The following DUSP19 variants were observed in gnomAD, a reference collection of about 807,000 sequenced individuals.
The protein encoded by DUSP19 is dual specificity protein phosphatase 19.
Under a neutral mutation model 16.6 loss-of-function variants are expected in DUSP19, and 14 were observed. The observed-to-expected ratio is 0.84, with a 90% CI of 0.56 to 1.32. The LOEUF (loss-of-function observed/expected upper bound fraction) is 1.32. Among genes scored for constraint, DUSP19 ranks in the 40% most tolerant of loss-of-function variants. The pLI is 0.00. For missense variants in DUSP19, 258 were observed against 255.9 expected (o/e 1.01, Z -0.06); for synonymous variants, 81 against 90.5 (o/e 0.90, Z 0.59).
intron 1 of DUSP19, among the ~76,000 whole-genome samples, chr2:183,082,669 C>G (rs1306526062): frequency 6.6e-6 from 1 of 152,068 alleles, no homozygotes; most frequent in African/African-American, 2.4e-5. Context: ...AGTGATCCAC[C>G]CACCTCAGCC....
At chr2:183,080,973 G>A (rs987077220) in intron 1 of DUSP19, among the ~76,000 whole-genome samples, 2 of 152,188 alleles carry the variant, frequency 1.3e-5, no homozygotes, top group South Asian at 2.1e-4. Flanking sequence ...GACTGGGGTT[G>A]TTTGCAGGTT....
intron 3 of DUSP19, among the ~76,000 whole-genome samples, chr2:183,089,801 A>G (rs1699709222): frequency 6.6e-6 from 1 of 152,234 alleles, no homozygotes; most frequent in South Asian, 2.1e-4. Context: ...AACCTCAGCC[A>G]ATATTTCCCT....
chr2:183,079,011 A>C lies in DUSP19; in HGVS notation c.78A>C (p.Leu26=), dbSNP rs1436391317. Residue 26 remains leucine (L), a synonymous_variant, in exon 1 of 4, where the codon CTA becomes CTC. Coordinates refer to ENST00000354221, the MANE Select transcript of DUSP19 (RefSeq NM_080876.4). The part of the protein sequence containing the change: ...LRKQCTRVTT[L]TGKKIIETWK... ...AGCAATGCACCAGGGTGACAACGCT[A>C]ACTGGAAAGAAAATTATAGAAACAT... The C allele has an allele frequency of 6.2e-7, 1 of 1,614,076 alleles. No homozygotes were observed. The highest frequency in any genetic ancestry group is 8.5e-7 in the Non-Finnish European group (1 of 1,180,044).
At chr2:183,089,090 C>T (rs1699700073) in intron 3 of DUSP19, among the ~76,000 whole-genome samples, 1 of 152,006 alleles carries the variant, frequency 6.6e-6, no homozygotes, top group South Asian at 2.1e-4. Flanking sequence ...TGGATTTTAG[C>T]TTGGGTTTCC....
Position 183,098,957 on chromosome 2 carries a change from G to A in DUSP19, c.*3299G>A, listed in dbSNP as rs1262997277. 6.6e-6 allele frequency: 1 copy of A among 152,068 alleles called. No homozygotes were observed. The highest frequency in any genetic ancestry group is 2.4e-5 in the African/African-American group (1 of 41,408). The allele number at this position is 152,068 out of a possible 1,614,324, so 9.4% of individuals were successfully genotyped here. A position where few individuals can be genotyped will look rare whatever the true frequency, so the allele number is the denominator to read the frequency against. ...AAAGACAAATATTTCAGAGGAAGTGGAGTACAGTATTTAACATTTTGTTTG... is the reference window on the plus strand; with the variant it reads ...AAAGACAAATATTTCAGAGGAAGTGAAGTACAGTATTTAACATTTTGTTTG... On this transcript the variant is annotated 3_prime_UTR_variant, in exon 4 of 4. Coordinates refer to ENST00000354221, the MANE Select transcript of DUSP19 (RefSeq NM_080876.4).
rs150528247 is a variant in DUSP19, at chr2:183,079,077, G to C, written c.144G>C (p.Pro48=). The C allele has an allele frequency of 1.2e-6, 2 of 1,614,104 alleles. No homozygotes were observed. The highest frequency in any genetic ancestry group is 2.7e-5 in the African/African-American group (2 of 75,018). The change falls in exon 1 of 4, where the codon CCG becomes CCC. Residue 48 remains proline, a synonymous_variant. Transcript: ENST00000354221. ...TTCATGTTGTGGAAGAAGTAGAGCC[G>C]AGCAGTGGGGGTGGTTGTGGTTATG... is the stretch of plus-strand genomic sequence containing the variant. ...ARIHVVEEVE[P]SSGGGCGYVQ...
At chr2:183,086,250 G>C (rs993435856) in intron 2 of DUSP19, among the ~76,000 whole-genome samples, 1 of 152,098 alleles carries the variant, frequency 6.6e-6, no homozygotes, top group African/African-American at 2.4e-5. Context: ...ATTTTATAAA[G>C]TAAAGAATAT....
Position 183,086,651 on chromosome 2 carries a change from GA to G in DUSP19, c.274-367del, listed in dbSNP as rs71008262. ...AGTGAGACCCGCCCCCCTCTTCTCT[GA>G]AAAAAAAAAAAAAAAAAAAAATTAG... On this transcript the variant is annotated intron_variant, in intron 2 of 3. Transcript: ENST00000354221. Among the ~76,000 whole-genome samples, 820 of 95,684 alleles carry G rather than the reference GA, an allele frequency of 8.6e-3. 6 individuals carry two copies. Among genetic ancestry groups the G allele is most frequent in the African/African-American group, 0.018 (464 of 25,476 alleles). 62.8% of individuals were successfully genotyped at this position (95,684 alleles called of 152,430 possible). A position where few individuals can be genotyped will look rare whatever the true frequency, so the allele number is the denominator to read the frequency against.
rs1699793964 is a variant in DUSP19, at chr2:183,095,857, A to G, written c.*199A>G. ...GTCATTACTTTCTCTTTGTTATTAT[A>G]ATGTGTGATTAAATGCTTTTTTAAA... On this transcript the variant is annotated 3_prime_UTR_variant, in exon 4 of 4. Transcript: ENST00000354221. The G allele has an allele frequency of 2.5e-6, 1 of 394,084 alleles. No homozygotes were observed. Among genetic ancestry groups the G allele is most frequent in the Admixed American group, 4.2e-5 (1 of 23,916 alleles). The allele number at this position is 394,084 out of a possible 1,614,324, so 24.4% of individuals were successfully genotyped here.
Position 183,078,902 on chromosome 2 carries a change from G to A in DUSP19, c.-32G>A, listed in dbSNP as rs760533465. On this transcript the variant is annotated 5_prime_UTR_variant, in exon 1 of 4. Transcript: ENST00000354221. Reference sequence around the variant, plus strand: ...GCCGTTTTCTATGCCTGCTGGATTTGTTTGTATTTGTTCCCAGCCACTGCT... The same window carrying A: ...GCCGTTTTCTATGCCTGCTGGATTTATTTGTATTTGTTCCCAGCCACTGCT... The A allele has an allele frequency of 1.9e-6, 3 of 1,602,508 alleles. 1 individual carries two copies. The Admixed American group carries it at 5.0e-5, about 27-fold the overall frequency.
chr2:183,089,065 G>T (rs1280721452), intron 3 of DUSP19, among the ~76,000 whole-genome samples: 2 of 152,142 alleles, frequency 1.3e-5, no homozygotes, highest in Non-Finnish European at 2.9e-5. Context: ...CTTAATTTGG[G>T]CCAGTAAATT....
At position 183,098,281 on chromosome 2, in the gene DUSP19, A is replaced by G. The variant is rs547097296; in HGVS notation, c.*2623A>G. On this transcript the variant is annotated 3_prime_UTR_variant, in exon 4 of 4. Coordinates refer to ENST00000354221, the MANE Select transcript of DUSP19 (RefSeq NM_080876.4). Reference sequence around the variant, plus strand: ...TAAGATTCAAACATTTATCTTTTGTATCTTCTACAGAAGTGCTTTGAGCAT... The same window carrying G: ...TAAGATTCAAACATTTATCTTTTGTGTCTTCTACAGAAGTGCTTTGAGCAT... The G allele has an allele frequency of 5.9e-5, 9 of 152,312 alleles. No individual in the cohort carries two copies. The East Asian group carries it at 9.6e-4, about 16-fold the overall frequency. The allele number at this position is 152,312 out of a possible 1,614,324, so 9.4% of individuals were successfully genotyped here.
chr2:183,090,214 A>G (rs1175085650), intron 3 of DUSP19, among the ~76,000 whole-genome samples: 1 of 152,232 alleles, frequency 6.6e-6, no homozygotes, highest in East Asian at 1.9e-4. Context: ...ATGTTTCAAA[A>G]CTACCTTTCT....
chr2:183,092,961 CAA>C (rs1699751933), intron 3 of DUSP19, among the ~76,000 whole-genome samples: 1 of 152,096 alleles, frequency 6.6e-6, no homozygotes, highest in African/African-American at 2.4e-5. Flanking sequence ...CTCAGCCTCC[CAA>C]AGTGCTGGGA....
intron 3 of DUSP19, among the ~76,000 whole-genome samples, chr2:183,092,699 GTTTTTTTTTTTT>G (rs781697293): frequency 8.4e-6 from 1 of 119,176 alleles, no homozygotes; most frequent in African/African-American, 3.2e-5. Flanking sequence ...TTCTGCCCAA[GTTTTTTTTTTTT>G]TTTTTTTTTT....
Position 183,078,776 on chromosome 2 carries a change from G to C in DUSP19, c.-158G>C. Reference sequence around the variant, plus strand: ...TGCATCGCTGGGATAAACGGAGCTGGACGACTCAGTCTCTTGGTCTGTGGC... The same window carrying C: ...TGCATCGCTGGGATAAACGGAGCTGCACGACTCAGTCTCTTGGTCTGTGGC... On this transcript the variant is annotated 5_prime_UTR_variant, in exon 1 of 4. Coordinates refer to ENST00000354221, the MANE Select transcript of DUSP19 (RefSeq NM_080876.4). 1.6e-6 allele frequency: 1 copy of C among 642,934 alleles called. No individual in the cohort carries two copies. Among genetic ancestry groups the C allele is most frequent in the Middle Eastern group, 3.7e-4 (1 of 2,736 alleles). The allele number at this position is 642,934 out of a possible 1,614,324, so 39.8% of individuals were successfully genotyped here. A position where few individuals can be genotyped will look rare whatever the true frequency, so the allele number is the denominator to read the frequency against.
intron 3 of DUSP19, among the ~76,000 whole-genome samples, chr2:183,094,037 A>G (rs1455048628): frequency 1.3e-5 from 2 of 152,200 alleles, no homozygotes; most frequent in East Asian, 3.8e-4. Flanking sequence ...TGCTTTTCTT[A>G]TATAGAAACT....
intron 3 of DUSP19, among the ~76,000 whole-genome samples, chr2:183,092,860 C>A (rs1005147015): frequency 6.6e-6 from 1 of 151,858 alleles, no homozygotes; most frequent in Admixed American, 6.6e-5. Context: ...CCCAGCACCA[C>A]GCCCAGCTAA....
chr2:183,093,714 T>G (rs1699762904), intron 3 of DUSP19, among the ~76,000 whole-genome samples: 1 of 152,152 alleles, frequency 6.6e-6, no homozygotes, highest in Non-Finnish European at 1.5e-5. Flanking sequence ...TAAAATTGGA[T>G]GCACAATGTG....
Sources: allele counts gnomAD v4.1 joint callset (sites outside exome capture counted in the v4.1 genomes callset), GRCh38; gene constraint gnomAD v4.1.1; transcripts MANE v1.5; gene names NCBI Gene and HGNC (gene_info 2026-07-23, HGNC 2026-07-21).